The following EPHA5 variants were observed in gnomAD, a reference collection of about 807,000 sequenced individuals.
EPHA5 encodes the protein ephrin type-A receptor 5.
EPHA5 carries 60 observed loss-of-function variants against 105.0 expected under a neutral mutation model. The observed-to-expected ratio is 0.57, with a 90% CI of 0.46 to 0.71. The LOEUF is 0.71. Among genes scored for constraint, EPHA5 ranks in the 30% least tolerant of loss-of-function variants. EPHA5 has a pLI of 0.00. For missense variants in EPHA5, 1,218 were observed against 1,274.7 expected (o/e 0.96, Z 0.68); for synonymous variants, 513 against 449.1 (o/e 1.14, Z -1.80).
At chr4:65,444,727 GTTC>G (rs1726347638) in intron 5 of EPHA5, among the ~76,000 whole-genome samples, 2 of 151,892 alleles carry the variant, frequency 1.3e-5, no homozygotes, top group African/African-American at 4.8e-5. Flanking sequence ...TTCTTTGGTA[GTTC>G]TTCTGTATTA....
chr4:65,568,557 T>A (rs924337339), intron 3 of EPHA5, among the ~76,000 whole-genome samples: 2 of 151,188 alleles, frequency 1.3e-5, no homozygotes, highest in Non-Finnish European at 3.0e-5. Context: ...TTTTTAAACA[T>A]GTAAGCTTCA....
At chr4:65,376,784 A>C (rs189915737) in intron 8 of EPHA5, among the ~76,000 whole-genome samples, 3 of 152,152 alleles carry the variant, frequency 2.0e-5, no homozygotes, top group Admixed American at 2.0e-4. Context: ...TAAAAGCCTC[A>C]GAAGAGACGT....
At chr4:65,501,157 A>C (rs1205942009) in intron 3 of EPHA5, among the ~76,000 whole-genome samples, 1 of 151,506 alleles carries the variant, frequency 6.6e-6, no homozygotes, top group Non-Finnish European at 1.5e-5. Flanking sequence ...ATTAAAACTC[A>C]AAACATGTCA....
At chr4:65,484,301 C>T (rs1257109298) in intron 5 of EPHA5, among the ~76,000 whole-genome samples, 1 of 152,060 alleles carries the variant, frequency 6.6e-6, no homozygotes, top group Non-Finnish European at 1.5e-5. Flanking sequence ...CTGATCATTT[C>T]AATATTTTAT....
intron 14 of EPHA5, among the ~76,000 whole-genome samples, chr4:65,336,710 C>T (rs985726986): frequency 2.0e-5 from 3 of 152,078 alleles, no homozygotes; most frequent in Non-Finnish European, 2.9e-5. Flanking sequence ...TCTGGAATGA[C>T]TGTCTAGTAG....
chr4:65,581,291 A>G (rs570059305), intron 3 of EPHA5, among the ~76,000 whole-genome samples: 1 of 151,884 alleles, frequency 6.6e-6, no homozygotes, highest in South Asian at 2.1e-4. Context: ...TCACGTATAC[A>G]TGAAGTATGT....
intron 16 of EPHA5, chr4:65,331,767 T>C (rs1399364375): frequency 5.7e-6 from 7 of 1,238,912 alleles, no homozygotes; most frequent in African/African-American, 1.6e-5. Context: ...ATGTTATTTG[T>C]TTGAAGCAAA....
At position 65,418,862 on chromosome 4, in the gene EPHA5, C is replaced by CTTTTTTTT. The variant is rs575608289; in HGVS notation, c.1527+1571_1527+1578dup. On this transcript the variant is annotated intron_variant, in intron 6 of 16. Coordinates refer to ENST00000613740, the MANE Select transcript of EPHA5 (RefSeq NM_001281766.3). ...AACATTCAATACACTTACCTAAACT[C>CTTTTTTTT]TTTTTTTTTTTTTTTTTTTTTTTTT... Among the ~76,000 whole-genome samples, 135 of 47,074 alleles carry CTTTTTTTT rather than the reference C, an allele frequency of 2.9e-3. 17 individuals are homozygous for CTTTTTTTT. Among genetic ancestry groups the CTTTTTTTT allele is most frequent in the African/African-American group, 5.3e-3 (48 of 9,090 alleles). The allele number at this position is 47,074 out of a possible 152,430, so 30.9% of individuals were successfully genotyped here. A position where few individuals can be genotyped will look rare whatever the true frequency, so the allele number is the denominator to read the frequency against.
intron 16 of EPHA5, chr4:65,330,951 A>C (rs755109097): frequency 1.2e-5 from 12 of 1,043,238 alleles, no homozygotes; most frequent in Non-Finnish European, 1.3e-5. Flanking sequence ...ATTGGTGATA[A>C]ATGGTGGTAC....
intron 2 of EPHA5, among the ~76,000 whole-genome samples, chr4:65,641,594 A>G (rs1747671500): frequency 1.3e-5 from 2 of 152,154 alleles, no homozygotes. Context: ...CTTAAATATA[A>G]TACATTTTTT....
At chr4:65,589,714 T>C (rs1190219589) in intron 3 of EPHA5, among the ~76,000 whole-genome samples, 1 of 152,110 alleles carries the variant, frequency 6.6e-6, no homozygotes, top group African/African-American at 2.4e-5. Flanking sequence ...AGTCTGGTTC[T>C]AAAAAAAGAA....
At chr4:65,324,708 A>G (rs973173458) in intron 16 of EPHA5, among the ~76,000 whole-genome samples, 9 of 150,706 alleles carry the variant, frequency 6.0e-5, no homozygotes, top group African/African-American at 2.2e-4. Context: ...TTAGGAGATA[A>G]TCACCACTAC....
At chr4:65,445,460 C>A (rs1726425313) in intron 5 of EPHA5, among the ~76,000 whole-genome samples, 1 of 152,078 alleles carries the variant, frequency 6.6e-6, no homozygotes, top group African/African-American at 2.4e-5. Context: ...TCAAATATTG[C>A]TTCTTTATGA....
chr4:65,435,081 C>T (rs375658715), intron 5 of EPHA5, among the ~76,000 whole-genome samples: 28 of 152,066 alleles, frequency 1.8e-4, no homozygotes, highest in African/African-American at 6.8e-4. Context: ...GTCAATATTA[C>T]ATATAAAAAT....
At chr4:65,497,345 C>G (rs1393421308) in intron 3 of EPHA5, among the ~76,000 whole-genome samples, 1 of 152,044 alleles carries the variant, frequency 6.6e-6, no homozygotes, top group Non-Finnish European at 1.5e-5. Flanking sequence ...TGAGAAGGTA[C>G]TCTTTTCAGT....
At chr4:65,576,457 A>G (rs1438242082) in intron 3 of EPHA5, among the ~76,000 whole-genome samples, 1 of 152,212 alleles carries the variant, frequency 6.6e-6, no homozygotes, top group East Asian at 1.9e-4. Context: ...TAGATAAAAG[A>G]ATGTTATGTT....
intron 5 of EPHA5, among the ~76,000 whole-genome samples, chr4:65,426,006 T>C (rs1724403405): frequency 6.6e-6 from 1 of 152,166 alleles, no homozygotes; most frequent in Non-Finnish European, 1.5e-5. Context: ...CCACCCTCGT[T>C]GAAGACGCCA....
intron 5 of EPHA5, among the ~76,000 whole-genome samples, chr4:65,470,725 A>G (rs527848916): frequency 6.6e-6 from 1 of 152,318 alleles, no homozygotes; most frequent in East Asian, 1.9e-4. Context: ...ATGAAATTTA[A>G]GGTCACTATC....
intron 5 of EPHA5, among the ~76,000 whole-genome samples, chr4:65,485,825 A>G (rs971863251): frequency 6.6e-6 from 1 of 152,114 alleles, no homozygotes; most frequent in African/African-American, 2.4e-5. Flanking sequence ...AAATCAGAAG[A>G]CCTTAGATGT....
Sources: allele counts gnomAD v4.1 joint callset (sites outside exome capture counted in the v4.1 genomes callset), GRCh38; gene constraint gnomAD v4.1.1; transcripts MANE v1.5; gene names NCBI Gene and HGNC (gene_info 2026-07-23, HGNC 2026-07-21).